ZNF780A: variants seen among roughly 807,000 people sequenced by gnomAD.
ZNF780A encodes zinc finger protein 780A.
In ZNF780A, 40 loss-of-function variants were observed where a neutral mutation model predicts 56.7. The ratio of observed to expected loss-of-function variants is 0.71; its 90% CI spans 0.55 to 0.92. ZNF780A has a LOEUF of 0.92. ZNF780A is among the 40% of genes least tolerant of loss of function. The probability of loss-of-function intolerance (pLI) is 0.00; values close to 1 mark genes in which losing one functional copy is unlikely to be tolerated. For missense variants in ZNF780A, 672 were observed against 783.3 expected (o/e 0.86, Z 1.70); for synonymous variants, 231 against 248.3 (o/e 0.93, Z 0.66).
Position 40,073,147 on chromosome 19 carries a change from A to G in ZNF780A, c.*1369T>C, listed in dbSNP as rs1973896923. The G allele has an allele frequency of 2.7e-6, 3 of 1,095,992 alleles. No homozygotes were observed. The African/African-American group carries it at 4.9e-5, about 18-fold the overall frequency. The allele number at this position is 1,095,992 out of a possible 1,614,324, so 67.9% of individuals were successfully genotyped here. On this transcript the variant is annotated 3_prime_UTR_variant, in exon 6 of 6. Transcript: ENST00000683561. ...TCTAAAACTTATTCTCAATGGTACAACAAATATACAAAAAATAAACGTGCA... is the reference window on the plus strand; with the variant it reads ...TCTAAAACTTATTCTCAATGGTACAGCAAATATACAAAAAATAAACGTGCA...
chr19:40,077,922 G>A (rs1974238855), intron 5 of ZNF780A, among the ~76,000 whole-genome samples: 1 of 149,278 alleles, frequency 6.7e-6, no homozygotes, highest in African/African-American at 2.5e-5. Context: ...CATCTCCACA[G>A]GAACATAATA....
chr19:40,070,498 C>T (rs1973783734), downstream of ZNF780A: 1 of 151,906 alleles, frequency 6.6e-6, no homozygotes, highest in Non-Finnish European at 1.5e-5. Context: ...GTCCAATTAC[C>T]AAAACTGTGA....
Position 40,073,581 on chromosome 19 carries a change from C to G in ZNF780A, c.*935G>C. ...GAGTACATTGTGAACATGACAACTA[C>G]CCTATATTCCTCATTCAAAGACTTT... is the stretch of plus-strand genomic sequence containing the variant. On this transcript the variant is annotated 3_prime_UTR_variant, in exon 6 of 6. Transcript: ENST00000683561. 1 of 985,912 alleles carries G rather than the reference C, an allele frequency of 1.0e-6. No individual in the cohort carries two copies. The highest frequency in any genetic ancestry group is 1.2e-6 in the Non-Finnish European group (1 of 830,374). 61.1% of individuals were successfully genotyped at this position (985,912 alleles called of 1,614,324 possible).
At chr19:40,071,361 G>C (rs990548899), downstream of ZNF780A, 1 of 152,110 alleles carries the variant, frequency 6.6e-6, no homozygotes, top group Non-Finnish European at 1.5e-5. Context: ...TACCAGCCAT[G>C]ATGTATAGGT....
Position 40,075,711 on chromosome 19 carries a change from G to T in ZNF780A, c.731C>A (p.Thr244Lys), listed in dbSNP as rs1250005280. Residue 244 changes from threonine to lysine, a missense_variant, in exon 6 of 6, where the codon ACA (threonine) becomes AAA (lysine). Transcript: ENST00000683561. ...CTTACATTCAAACAGTTTCTCACCT[G>T]TGTGAATGTTCTTATGGCGATTAAG... Reference protein sequence around the residue: ...TLLNRHKNIHTGEKLFECKEC... With the variant: ...TLLNRHKNIHKGEKLFECKEC... 1.2e-6 allele frequency: 2 copies of T among 1,613,822 alleles called. No homozygotes were observed. The highest frequency in any genetic ancestry group is 2.7e-5 in the African/African-American group (2 of 74,842).
chr19:40,083,040 G>A (rs1974570812), intron 4 of ZNF780A, 71 bp downstream of exon 4: 1 of 1,611,054 alleles, frequency 6.2e-7, no homozygotes. Flanking sequence ...AGATAGCCCT[G>A]AAATTCACGG....
At chr19:40,087,097 CATTTT>C (rs1974847288) in intron 2 of ZNF780A, among the ~76,000 whole-genome samples, 1 of 152,082 alleles carries the variant, frequency 6.6e-6, no homozygotes, top group African/African-American at 2.4e-5. Context: ...TTATAGACAT[CATTTT>C]ATTACCTGTG....
chr19:40,076,088 A>G lies in ZNF780A; in HGVS notation c.354T>C (p.Phe118=). ...STTLGIEAFY[F]RNDSEYRQFE... Reference sequence around the variant, plus strand: ...ATTGTCTATATTCTGAGTCATTTCTAAAATAAAAGGCCTCAATGCCAAGAG... The same window carrying G: ...ATTGTCTATATTCTGAGTCATTTCTGAAATAAAAGGCCTCAATGCCAAGAG... The change falls in exon 6 of 6, where the codon TTT becomes TTC. Residue 118 remains phenylalanine (F), a synonymous_variant. Transcript: ENST00000683561. The G allele has an allele frequency of 6.2e-7, 1 of 1,613,818 alleles. No homozygotes were observed. Among genetic ancestry groups the G allele is most frequent in the South Asian group, 1.1e-5 (1 of 90,994 alleles).
Position 40,073,212 on chromosome 19 carries a change from T to G in ZNF780A, c.*1304A>C, listed in dbSNP as rs984162820. 12 of 644,144 alleles carry G rather than the reference T, an allele frequency of 1.9e-5. No individual in the cohort carries two copies. In the Admixed American group the frequency reaches 4.3e-4, roughly 23 times the overall value. 39.9% of individuals were successfully genotyped at this position (644,144 alleles called of 1,614,324 possible). A position where few individuals can be genotyped will look rare whatever the true frequency, so the allele number is the denominator to read the frequency against. ...TTGAATCTAGGTTGGGGTATATGATTGTATATTTGACTATTCTTTCAAAAC... is the reference window on the plus strand; with the variant it reads ...TTGAATCTAGGTTGGGGTATATGATGGTATATTTGACTATTCTTTCAAAAC... On this transcript the variant is annotated 3_prime_UTR_variant, in exon 6 of 6. Coordinates refer to ENST00000683561, the MANE Select transcript of ZNF780A (RefSeq NM_001142578.2).
chr19:40,085,928 A>G (rs545442509), intron 2 of ZNF780A, among the ~76,000 whole-genome samples: 9 of 151,900 alleles, frequency 5.9e-5, no homozygotes, highest in African/African-American at 2.2e-4. Flanking sequence ...ATATATAGTT[A>G]TATTCACACA....
At chr19:40,089,192 AATG>A (rs1974991222) in intron 2 of ZNF780A, 2 of 1,327,974 alleles carry the variant, frequency 1.5e-6, no homozygotes, top group Non-Finnish European at 2.0e-6. Context: ...TCACCACAAA[AATG>A]ATAACTATGT....
Position 40,075,427 on chromosome 19 carries a change from C to T in ZNF780A, c.1015G>A (p.Gly339Arg). The stretch of plus-strand genomic sequence containing the variant: ...TTTGTCAGAAGAGTAAACGCCTTTC[C>T]ACATTCTTTACATTCAAAGGGTTTC... ...GEKPFECKEC[G>R]KAFTLLTKLV... is the part of the protein sequence containing the mutation. The change falls in exon 6 of 6, where the codon GGA (glycine) becomes AGA (arginine). Residue 339 changes from glycine (G) to arginine (R), a missense_variant. Physicochemically the swap from Gly to Arg is moderately radical, Grantham distance 125 (BLOSUM62 -2). Transcript: ENST00000683561. The T allele has an allele frequency of 1.2e-6, 2 of 1,614,034 alleles. No individual in the cohort carries two copies. Among genetic ancestry groups the T allele is most frequent in the East Asian group, 2.2e-5 (1 of 44,850 alleles).
intron 3 of ZNF780A, among the ~76,000 whole-genome samples, chr19:40,084,172 G>GT (rs1287304330): frequency 6.6e-6 from 1 of 152,022 alleles, no homozygotes; most frequent in African/African-American, 2.4e-5. Context: ...GCCTCCCAAA[G>GT]TGCTGGGATT....
chr19:40,076,311 C>T (rs1974131153), intron 5 of ZNF780A, 102 bp from the exon 6 acceptor site: 3 of 1,208,464 alleles, frequency 2.5e-6, no homozygotes, highest in Non-Finnish European at 3.3e-6. Flanking sequence ...CCAATAAAAC[C>T]TTTATTGATT....
At position 40,073,140 on chromosome 19, in the gene ZNF780A, T is replaced by A. The variant is rs994457828; in HGVS notation, c.*1376A>T. ...CATGATGTCTAAAACTTATTCTCAA[T>A]GGTACAACAAATATACAAAAAATAA... is the stretch of plus-strand genomic sequence containing the variant. On this transcript the variant is annotated 3_prime_UTR_variant, in exon 6 of 6. Transcript: ENST00000683561. 1 of 1,152,992 alleles carries A rather than the reference T, an allele frequency of 8.7e-7. No individual in the cohort carries two copies. The highest frequency in any genetic ancestry group is 1.6e-5 in the African/African-American group (1 of 61,950). 71.4% of individuals were successfully genotyped at this position (1,152,992 alleles called of 1,614,324 possible). A position where few individuals can be genotyped will look rare whatever the true frequency, so the allele number is the denominator to read the frequency against.
chr19:40,081,738 A>G (rs1024021975), intron 5 of ZNF780A, 81 bp downstream of exon 5: 102 of 1,229,768 alleles, frequency 8.3e-5, no homozygotes, highest in Non-Finnish European at 1.2e-4. Context: ...TTTTCAAACC[A>G]CATCTCAAGT....
At chr19:40,069,444 C>G (rs1261932495), downstream of ZNF780A, 1 of 152,132 alleles carries the variant, frequency 6.6e-6, no homozygotes, top group Non-Finnish European at 1.5e-5. Flanking sequence ...CACCATGACC[C>G]AAACACCTTC....
intron 3 of ZNF780A, among the ~76,000 whole-genome samples, chr19:40,084,385 G>A (rs1974663482): frequency 6.6e-6 from 1 of 152,156 alleles, no homozygotes; most frequent in Admixed American, 6.5e-5. Flanking sequence ...GCTCTAGTCT[G>A]TAAAGTTTCA....
rs528546115 is a variant in ZNF780A, at chr19:40,086,723, G to T, written c.-45-1925C>A. 7.2e-5 allele frequency among the ~76,000 whole-genome samples: 11 copies of T among 152,054 alleles called. No homozygotes were observed. The South Asian group carries it at 2.3e-3, about 32-fold the overall frequency. On this transcript the variant is annotated intron_variant, in intron 2 of 5. Transcript: ENST00000683561. ...TAACAATTTCTTTTTGGGGGGCAGGGGTGGAGTCTCACTCTGTCACCCAGG... is the reference window on the plus strand; with the variant it reads ...TAACAATTTCTTTTTGGGGGGCAGGTGTGGAGTCTCACTCTGTCACCCAGG...
Sources: allele counts gnomAD v4.1 joint callset (sites outside exome capture counted in the v4.1 genomes callset), GRCh38; gene constraint gnomAD v4.1.1; transcripts MANE v1.5; gene names NCBI Gene and HGNC (gene_info 2026-07-23, HGNC 2026-07-21).